ZDHHC15: variants seen among roughly 807,000 people sequenced by gnomAD.
ZDHHC15 encodes the protein zDHHC palmitoyltransferase 15, also known as palmitoyltransferase ZDHHC15.
A neutral mutation model predicts 31.7 loss-of-function variants in ZDHHC15; 19 were observed. The observed-to-expected ratio is 0.60, with a 90% CI of 0.42 to 0.88. ZDHHC15 has a LOEUF of 0.88. ZDHHC15 is among the 40% of genes least tolerant of loss of function. The pLI, the probability that ZDHHC15 is intolerant of heterozygous loss-of-function variation, is 0.00. For missense variants in ZDHHC15, 209 were observed against 251.2 expected (o/e 0.83, Z 1.14); for synonymous variants, 103 against 90.0 (o/e 1.14, Z -0.82).
At position 75,370,859 on chromosome X, in the gene ZDHHC15, A is replaced by G. The variant is rs764319621; in HGVS notation, c.*2119T>C. 8.9e-6 allele frequency: 1 copy of G among 111,814 alleles called. No homozygotes were observed. Among genetic ancestry groups the G allele is most frequent in the South Asian group, 3.8e-4 (1 of 2,648 alleles). 9.2% of individuals were successfully genotyped at this position (111,814 alleles called of 1,213,427 possible). On this transcript the variant is annotated 3_prime_UTR_variant, in exon 12 of 12. Transcript: ENST00000373367. ...ATTTGGCCTTTTAAAGACAGTGTAAATCTGTAAGACATTAAACAATCAGCT... is the reference window on the plus strand; with the variant it reads ...ATTTGGCCTTTTAAAGACAGTGTAAGTCTGTAAGACATTAAACAATCAGCT...
chrX:75,508,043 T>C (rs2085194939), intron 1 of ZDHHC15, among the ~76,000 whole-genome samples: 1 of 111,525 alleles, frequency 9.0e-6, no homozygotes, highest in Non-Finnish European at 1.9e-5. Flanking sequence ...GCCAGGTAGT[T>C]TAAATTTTCT....
intron 2 of ZDHHC15, among the ~76,000 whole-genome samples, chrX:75,503,568 G>T (rs1423608352): frequency 9.0e-6 from 1 of 111,147 alleles, no homozygotes; most frequent in Non-Finnish European, 1.9e-5. Context: ...GAGGAAGAAA[G>T]TGAAACTTAG....
chrX:75,438,487 T>C (rs773718437), intron 4 of ZDHHC15, among the ~76,000 whole-genome samples: 32 of 111,312 alleles, frequency 2.9e-4, no homozygotes, highest in Non-Finnish European at 4.9e-4. Context: ...TAACCCTGCA[T>C]ATTTTTAGTG....
At chrX:75,425,955 G>T (rs1283814889) in intron 7 of ZDHHC15, among the ~76,000 whole-genome samples, 2 of 111,491 alleles carry the variant, frequency 1.8e-5, no homozygotes, top group African/African-American at 6.5e-5. Context: ...TGTCAGCTGA[G>T]TGGGGGTCCA....
At chrX:75,376,120 C>A (rs931502207) in intron 11 of ZDHHC15, among the ~76,000 whole-genome samples, 2 of 110,956 alleles carry the variant, frequency 1.8e-5, no homozygotes, top group Non-Finnish European at 3.8e-5. Context: ...GAGATAGTAC[C>A]TCATTGCGGT....
rs1201873563 is a variant in ZDHHC15 at position 75,460,763 on chromosome X, C to T, written c.259-9841G>A. ...AAAACAACAACATCAACAGAAAAGA[C>T]CCCACAAAAAACTTATTCAAAGGTC... On this transcript the variant is annotated intron_variant, in intron 3 of 11. Coordinates refer to ENST00000373367, the MANE Select transcript of ZDHHC15 (RefSeq NM_144969.3). Among the ~76,000 whole-genome samples, 6 of 111,431 alleles carry T rather than the reference C, an allele frequency of 5.4e-5. 1 individual carries two copies. In the Admixed American group the frequency reaches 5.7e-4, roughly 11 times the overall value.
rs975193427 is a variant in ZDHHC15 at position 75,459,468 on chromosome X, G to C, written c.259-8546C>G. 9.0e-5 allele frequency among the ~76,000 whole-genome samples: 10 copies of C among 111,631 alleles called. No homozygotes were observed. The South Asian group carries it at 2.7e-3, about 30-fold the overall frequency. On this transcript the variant is annotated intron_variant, in intron 3 of 11. Coordinates refer to ENST00000373367, the MANE Select transcript of ZDHHC15 (RefSeq NM_144969.3). ...TGATTCAGTCAGCTCAGCCATTCCA[G>C]CCTGCCAGCTTTGGAGAGTGCAAAT... is the stretch of plus-strand genomic sequence containing the variant.
At chrX:75,472,528 G>A (rs1365051340) in intron 3 of ZDHHC15, among the ~76,000 whole-genome samples, 2 of 112,238 alleles carry the variant, frequency 1.8e-5, no homozygotes, top group African/African-American at 6.5e-5. Context: ...TGGTGACAAA[G>A]AAATTTGGGG....
intron 9 of ZDHHC15, among the ~76,000 whole-genome samples, chrX:75,419,547 C>T (rs2083595884): frequency 9.0e-6 from 1 of 110,945 alleles, no homozygotes; most frequent in Admixed American, 9.6e-5. Context: ...GTGGCAATTC[C>T]TCAGGGATCT....
intron 2 of ZDHHC15, among the ~76,000 whole-genome samples, chrX:75,491,186 C>G (rs184535149): frequency 9.0e-6 from 1 of 110,805 alleles, no homozygotes; most frequent in African/African-American, 3.3e-5. Flanking sequence ...TGGATGTTTA[C>G]TGCAGCACTA....
intron 1 of ZDHHC15, among the ~76,000 whole-genome samples, chrX:75,511,650 C>A (rs932743368): frequency 9.4e-6 from 1 of 106,491 alleles, no homozygotes; most frequent in Non-Finnish European, 1.9e-5. Flanking sequence ...GAAGTCCTTG[C>A]CCACGCCTAT....
At chrX:75,432,923 G>A (rs1185957319) in intron 4 of ZDHHC15, among the ~76,000 whole-genome samples, 2 of 111,191 alleles carry the variant, frequency 1.8e-5, no homozygotes, top group African/African-American at 6.6e-5. Context: ...GTTCGAGGCT[G>A]CTGTGATCCA....
chrX:75,474,537 T>A (rs1275786431), intron 3 of ZDHHC15, among the ~76,000 whole-genome samples: 3 of 98,925 alleles, frequency 3.0e-5, no homozygotes, highest in African/African-American at 1.1e-4. Flanking sequence ...TATATATATA[T>A]AATCCCCTTT....
rs189817762 is a variant in ZDHHC15, at chrX:75,494,206, C to T, written c.163+11615G>A. 3.0e-4 allele frequency among the ~76,000 whole-genome samples: 33 copies of T among 111,020 alleles called. 1 individual carries two copies. Among genetic ancestry groups the T allele is most frequent in the African/African-American group, 1.0e-3 (32 of 30,544 alleles). On this transcript the variant is annotated intron_variant, in intron 2 of 11. Transcript: ENST00000373367. ...TAATTGCTTCAAAGATAATAAAATACCTAGGAATCCAAGTTACAAGGGACG... is the reference window on the plus strand; with the variant it reads ...TAATTGCTTCAAAGATAATAAAATATCTAGGAATCCAAGTTACAAGGGACG...
intron 10 of ZDHHC15, among the ~76,000 whole-genome samples, chrX:75,406,630 A>G (rs1481001003): frequency 9.1e-6 from 1 of 109,474 alleles, no homozygotes; most frequent in Non-Finnish European, 1.9e-5. Flanking sequence ...ACAACCTACC[A>G]AGGTTGAACC....
At chrX:75,489,902 G>A (rs2084847155) in intron 2 of ZDHHC15, among the ~76,000 whole-genome samples, 1 of 112,222 alleles carries the variant, frequency 8.9e-6, no homozygotes, top group African/African-American at 3.2e-5. Context: ...TAAAGGACCT[G>A]ATGGAGCTGA....
Position 75,515,017 on chromosome X carries a change from T to C in ZDHHC15, c.136+7872A>G, listed in dbSNP as rs954890594. Among the ~76,000 whole-genome samples, 5 of 111,449 alleles carry C rather than the reference T, an allele frequency of 4.5e-5. No individual in the cohort carries two copies. In the Admixed American group the frequency reaches 4.8e-4, roughly 11 times the overall value. ...CTGGACACATACACCATCCCAAGAC[T>C]AAATCAGGAAGAAGTTGAATTCCTG... On this transcript the variant is annotated intron_variant, in intron 1 of 11. Transcript: ENST00000373367.
intron 11 of ZDHHC15, among the ~76,000 whole-genome samples, chrX:75,375,152 G>T (rs2083046963): frequency 9.0e-6 from 1 of 111,497 alleles, no homozygotes; most frequent in Admixed American, 9.5e-5. Flanking sequence ...TTTCCAAGTT[G>T]CACTCAAAAA....
chrX:75,390,580 T>C (rs2083232663), intron 10 of ZDHHC15, among the ~76,000 whole-genome samples: 1 of 111,559 alleles, frequency 9.0e-6, no homozygotes, highest in South Asian at 3.8e-4. Context: ...ATGGAATTCT[T>C]CAGGATCTTA....
Sources: allele counts gnomAD v4.1 joint callset (sites outside exome capture counted in the v4.1 genomes callset), GRCh38; gene constraint gnomAD v4.1.1; transcripts MANE v1.5; gene names NCBI Gene and HGNC (gene_info 2026-07-23, HGNC 2026-07-21).